The following DACH2 variants were observed in gnomAD, a reference collection of about 807,000 sequenced individuals.
DACH2 encodes the protein dachshund family transcription factor 2.
In DACH2, 17 loss-of-function variants were observed where a neutral mutation model predicts 35.8. That is an observed-to-expected ratio of 0.48 (90% confidence interval 0.33 to 0.71). The LOEUF (loss-of-function observed/expected upper bound fraction) is 0.71. DACH2 is among the 30% of genes least tolerant of loss of function. The pLI is 0.02. For synonymous variants in DACH2, 195 were observed against 177.3 expected (o/e 1.10, Z -0.79); for missense variants, 469 against 472.7 (o/e 0.99, Z 0.07).
chrX:86,757,879 C>T (rs1225828765), intron 7 of DACH2, among the ~76,000 whole-genome samples: 1 of 111,915 alleles, frequency 8.9e-6, no homozygotes, highest in African/African-American at 3.2e-5. Context: ...ATCATCCAGC[C>T]TCAGGTTGTT....
intron 1 of DACH2, among the ~76,000 whole-genome samples, chrX:86,282,283 T>C (rs1036438838): frequency 7.2e-5 from 8 of 111,568 alleles, no homozygotes; most frequent in African/African-American, 9.8e-5. Context: ...CAAAACAGCA[T>C]GGTACTGGTA....
chrX:86,440,551 T>G (rs2037143382), intron 2 of DACH2, among the ~76,000 whole-genome samples: 1 of 111,634 alleles, frequency 9.0e-6, no homozygotes, highest in Admixed American at 9.6e-5. Flanking sequence ...GGACCTTGTA[T>G]TTTGATCCAC....
At position 86,817,598 on chromosome X, in the gene DACH2, T is replaced by A. The variant is rs143379981; in HGVS notation, c.1750+1499T>A. Among the ~76,000 whole-genome samples, 1,015 of 111,810 alleles carry A rather than the reference T, an allele frequency of 9.1e-3. 5 individuals carry two copies. The highest frequency in any genetic ancestry group is 0.031 in the African/African-American group (956 of 30,859). On this transcript the variant is annotated intron_variant, in intron 11 of 11. Transcript: ENST00000373125. ...CCACTAGTGAGTTTTATCTTTATTA[T>A]CTTTTAACCTGCACCTCTGATTTAT...
At chrX:86,163,626 C>A (rs946118339) in intron 1 of DACH2, among the ~76,000 whole-genome samples, 9 of 110,673 alleles carry the variant, frequency 8.1e-5, no homozygotes, top group African/African-American at 3.0e-4. Flanking sequence ...CTGTTGTTTA[C>A]TTTTTTGTGT....
intron 2 of DACH2, among the ~76,000 whole-genome samples, chrX:86,435,286 C>A (rs1245139561): frequency 6.3e-5 from 7 of 111,588 alleles, no homozygotes; most frequent in Admixed American, 9.6e-5. Flanking sequence ...TCTGTTGTGG[C>A]AATTACTTTC....
At chrX:86,431,304 A>T (rs1441357348) in intron 2 of DACH2, among the ~76,000 whole-genome samples, 1 of 111,887 alleles carries the variant, frequency 8.9e-6, no homozygotes, top group Non-Finnish European at 1.9e-5. Context: ...GAATTATTTA[A>T]GGTTGAAGTA....
At chrX:86,446,087 C>T (rs1160609614) in intron 2 of DACH2, among the ~76,000 whole-genome samples, 2 of 110,708 alleles carry the variant, frequency 1.8e-5, no homozygotes, top group East Asian at 5.7e-4. Context: ...GAATTAATCC[C>T]TTTATCATTA....
At chrX:86,503,724 C>A (rs888836144) in intron 2 of DACH2, among the ~76,000 whole-genome samples, 60 of 111,463 alleles carry the variant, frequency 5.4e-4, no homozygotes, top group African/African-American at 1.9e-3. Flanking sequence ...TATGGTTAAA[C>A]AAAAGATATG....
chrX:86,393,986 C>CT (rs750939426), intron 2 of DACH2, among the ~76,000 whole-genome samples: 4 of 107,260 alleles, frequency 3.7e-5, no homozygotes, highest in Non-Finnish European at 5.8e-5. Flanking sequence ...TTATAAATGT[C>CT]TTTTTTTTCC....
intron 3 of DACH2, among the ~76,000 whole-genome samples, chrX:86,607,912 A>G (rs1480317814): frequency 9.4e-6 from 1 of 106,653 alleles, no homozygotes; most frequent in African/African-American, 3.4e-5. Context: ...TGTCCCTACA[A>G]AGGACGTGAA....
At chrX:86,244,074 G>A (rs1176698678) in intron 1 of DACH2, among the ~76,000 whole-genome samples, 1 of 111,654 alleles carries the variant, frequency 9.0e-6, no homozygotes, top group East Asian at 2.8e-4. Flanking sequence ...TGTATGTTTG[G>A]CCTACTGTAA....
chrX:86,202,960 A>G (rs1376571234), intron 1 of DACH2, among the ~76,000 whole-genome samples: 1 of 111,244 alleles, frequency 9.0e-6, no homozygotes, highest in Non-Finnish European at 1.9e-5. Context: ...CTAGTAGCAC[A>G]TATTAATAAT....
chrX:86,814,958 C>T (rs1602983741), intron 10 of DACH2, 124 bp downstream of exon 10: 1 of 754,149 alleles, frequency 1.3e-6, no homozygotes, highest in South Asian at 3.4e-5. Flanking sequence ...GAAACACAGA[C>T]ATATTTTGTC....
chrX:86,288,490 G>A (rs186289647), intron 1 of DACH2, among the ~76,000 whole-genome samples: 11 of 111,993 alleles, frequency 9.8e-5, no homozygotes, highest in East Asian at 2.8e-4. Context: ...TCCCCCAGAC[G>A]CCTGACATAC....
At chrX:86,428,536 T>C (rs2036931413) in intron 2 of DACH2, among the ~76,000 whole-genome samples, 1 of 112,115 alleles carries the variant, frequency 8.9e-6, no homozygotes, top group East Asian at 2.8e-4. Context: ...CTGATCTAAT[T>C]CTACAAATAG....
chrX:86,526,172 T>A (rs1404312964), intron 3 of DACH2, among the ~76,000 whole-genome samples: 5 of 110,633 alleles, frequency 4.5e-5, no homozygotes, highest in African/African-American at 1.6e-4. Context: ...ATATTCTGTA[T>A]CCTTCTTAAA....
intron 2 of DACH2, among the ~76,000 whole-genome samples, chrX:86,459,391 A>T (rs1204469288): frequency 9.0e-6 from 1 of 111,563 alleles, no homozygotes; most frequent in Non-Finnish European, 1.9e-5. Context: ...ATGGTATCAG[A>T]CAGAATCCTT....
At chrX:86,480,854 T>C (rs1357494605) in intron 2 of DACH2, among the ~76,000 whole-genome samples, 1 of 112,146 alleles carries the variant, frequency 8.9e-6, no homozygotes, top group African/African-American at 3.2e-5. Context: ...TAATGGTCAA[T>C]ATTTGATGTA....
intron 2 of DACH2, among the ~76,000 whole-genome samples, chrX:86,385,723 T>A (rs6524651): frequency 9.1e-6 from 1 of 109,364 alleles, no homozygotes; most frequent in East Asian, 2.9e-4. Context: ...CATTGTGCTT[T>A]CCATAGTTTA....
Sources: allele counts gnomAD v4.1 joint callset (sites outside exome capture counted in the v4.1 genomes callset), GRCh38; gene constraint gnomAD v4.1.1; transcripts MANE v1.5; gene names NCBI Gene and HGNC (gene_info 2026-07-23, HGNC 2026-07-21).